AK4: variants seen among roughly 807,000 people sequenced by gnomAD.
AK4 encodes adenylate kinase 4.
Under a neutral mutation model 24.6 loss-of-function variants are expected in AK4, and 13 were observed. That is an observed-to-expected ratio of 0.53 (90% CI 0.34 to 0.84). AK4 has a LOEUF of 0.84. AK4 is among the 40% of genes least tolerant of loss of function. The probability of loss-of-function intolerance (pLI) is 0.01; values close to 1 mark genes in which losing one functional copy is unlikely to be tolerated. For missense variants in AK4, 192 were observed against 288.2 expected, an observed-to-expected ratio of 0.67 and a Z score of 2.42; for synonymous variants, 88 against 107.0, an observed-to-expected ratio of 0.82 and a Z score of 1.10.
At chr1:65,184,011 T>A (rs1181081591) in intron 1 of AK4, among the ~76,000 whole-genome samples, 1 of 152,222 alleles carries the variant, frequency 6.6e-6, no homozygotes, top group East Asian at 1.9e-4. Flanking sequence ...TTTTGTGTTA[T>A]CGTATAATTT....
At chr1:65,222,852 T>G (rs1303640649) in intron 3 of AK4, among the ~76,000 whole-genome samples, 1 of 152,196 alleles carries the variant, frequency 6.6e-6, no homozygotes, top group African/African-American at 2.4e-5. Context: ...TGGCCTACCT[T>G]TTGACAGGTT....
chr1:65,202,864 G>GTTT (rs1651703032), intron 2 of AK4, among the ~76,000 whole-genome samples: 1 of 60,844 alleles, frequency 1.6e-5, no homozygotes, highest in South Asian at 6.2e-4. Context: ...CTGCTGTGTA[G>GTTT]TCTTTTTTTT....
intron 1 of AK4, among the ~76,000 whole-genome samples, chr1:65,153,603 C>T (rs1649873492): frequency 1.3e-5 from 2 of 152,056 alleles, no homozygotes; most frequent in African/African-American, 4.8e-5. Context: ...TTTTTCTGAT[C>T]AAAGTCATGC....
intron 1 of AK4, among the ~76,000 whole-genome samples, chr1:65,175,078 G>T (rs1573168): frequency 0.48 from 72,381 of 152,016 alleles, 19,874 homozygotes; most frequent in African/African-American, 0.75. Context: ...AACCAAAATA[G>T]TGGTCATGAC....
intron 2 of AK4, among the ~76,000 whole-genome samples, chr1:65,208,012 G>A (rs560433763): frequency 2.0e-5 from 3 of 152,194 alleles, no homozygotes; most frequent in South Asian, 2.1e-4. Flanking sequence ...GAACATACAA[G>A]TACATGTGTC....
chr1:65,187,742 T>C (rs7549901), intron 1 of AK4, among the ~76,000 whole-genome samples: 51,851 of 152,104 alleles, frequency 0.34, 9,988 homozygotes, highest in African/African-American at 0.52. Context: ...TGGTGGTTGT[T>C]GCTCTTGAAG....
chr1:65,225,638 C>G (rs1652431059), intron 4 of AK4, among the ~76,000 whole-genome samples: 2 of 152,024 alleles, frequency 1.3e-5, no homozygotes, highest in South Asian at 2.1e-4. Context: ...GCCTTGTAGT[C>G]CCCCCCAAAA....
chr1:65,171,954 C>T (rs944558059), intron 1 of AK4, among the ~76,000 whole-genome samples: 8 of 150,454 alleles, frequency 5.3e-5, no homozygotes, highest in Admixed American at 1.3e-4. Context: ...CCCCGCTACT[C>T]GGGAGGCTGA....
chr1:65,213,330 G>A (rs1248903554), intron 2 of AK4, among the ~76,000 whole-genome samples: 1 of 152,132 alleles, frequency 6.6e-6, no homozygotes, highest in East Asian at 1.9e-4. Context: ...GATGAAAGGG[G>A]CAAACTGAAA....
chr1:65,187,010 A>G (rs1364006573), intron 1 of AK4, among the ~76,000 whole-genome samples: 1 of 152,174 alleles, frequency 6.6e-6, no homozygotes, highest in Non-Finnish European at 1.5e-5. Flanking sequence ...TACATTGAAA[A>G]CATTAAGCTA....
At chr1:65,164,958 TGACA>T (rs1650282413) in intron 1 of AK4, among the ~76,000 whole-genome samples, 1 of 152,220 alleles carries the variant, frequency 6.6e-6, no homozygotes, top group Non-Finnish European at 1.5e-5. Flanking sequence ...CTGTCAGTAT[TGACA>T]GACAAATGGG....
At chr1:65,220,230 A>G (rs1484268356) in intron 3 of AK4, among the ~76,000 whole-genome samples, 1 of 152,240 alleles carries the variant, frequency 6.6e-6, no homozygotes, top group Non-Finnish European at 1.5e-5. Flanking sequence ...TAAGTTTTCA[A>G]CTATTTTGGG....
At chr1:65,218,565 G>T (rs191401484) in intron 2 of AK4, among the ~76,000 whole-genome samples, 189 bp from the exon 3 acceptor site, 1 of 152,278 alleles carries the variant, frequency 6.6e-6, no homozygotes, top group African/African-American at 2.4e-5. Context: ...GGATACATGT[G>T]CAGGTTTGTG....
chr1:65,183,705 CTG>C (rs1650993261), intron 1 of AK4, among the ~76,000 whole-genome samples: 1 of 134,560 alleles, frequency 7.4e-6, no homozygotes, highest in African/African-American at 2.8e-5. Context: ...ATGTATGTGT[CTG>C]TGTTCTCATG....
intron 2 of AK4, among the ~76,000 whole-genome samples, chr1:65,202,811 G>C (rs1368749947): frequency 2.7e-5 from 4 of 148,976 alleles, no homozygotes; most frequent in Non-Finnish European, 5.9e-5. Flanking sequence ...GAAAAAGCAT[G>C]GGTTTATGAA....
chr1:65,157,593 G>A lies in AK4; in HGVS notation c.145+9041G>A, dbSNP rs562352771. Reference sequence around the variant, plus strand: ...GAGACCAAGTGTCCAAGACCAGCTTGGATAACGTAGCGAGACCTCATCTTT... The same window carrying A: ...GAGACCAAGTGTCCAAGACCAGCTTAGATAACGTAGCGAGACCTCATCTTT... On this transcript the variant is annotated intron_variant, in intron 1 of 4. Transcript: ENST00000327299. Among the ~76,000 whole-genome samples, 125 of 152,254 alleles carry A rather than the reference G, an allele frequency of 8.2e-4. 1 individual carries two copies. Among genetic ancestry groups the A allele is most frequent in the African/African-American group, 2.9e-3 (120 of 41,542 alleles).
chr1:65,210,430 G>C (rs898204221), intron 2 of AK4, among the ~76,000 whole-genome samples: 1 of 151,798 alleles, frequency 6.6e-6, no homozygotes, highest in African/African-American at 2.4e-5. Flanking sequence ...CCTCCTCACC[G>C]TACCCTCTGG....
At chr1:65,175,678 G>A (rs758655858) in intron 1 of AK4, among the ~76,000 whole-genome samples, 4 of 152,188 alleles carry the variant, frequency 2.6e-5, no homozygotes, top group Non-Finnish European at 5.9e-5. Flanking sequence ...GGGCCCCTGA[G>A]ATTTCCAATG....
At chr1:65,205,408 AT>A (rs1651783143) in intron 2 of AK4, among the ~76,000 whole-genome samples, 1 of 151,862 alleles carries the variant, frequency 6.6e-6, no homozygotes, top group African/African-American at 2.4e-5. Context: ...CTAGTTTTTT[AT>A]TTTTTGTTTA....
Sources: allele counts gnomAD v4.1 joint callset (sites outside exome capture counted in the v4.1 genomes callset), GRCh38; gene constraint gnomAD v4.1.1; transcripts MANE v1.5; gene names NCBI Gene and HGNC (gene_info 2026-07-23, HGNC 2026-07-21).